Variants in SLC9A9 observed in about 807,000 individuals in gnomAD.
SLC9A9 encodes the protein sodium/hydrogen exchanger 9.
In SLC9A9, 62 loss-of-function variants were observed where a neutral mutation model predicts 77.8. The observed-to-expected ratio is 0.80, with a 90% CI of 0.65 to 0.98. The LOEUF (loss-of-function observed/expected upper bound fraction) is 0.98, where lower values mean the gene tolerates loss of function less well. SLC9A9 is among the 50% of genes least tolerant of loss of function. The probability of loss-of-function intolerance (pLI) is 0.00; values close to 1 mark genes in which losing one functional copy is unlikely to be tolerated. For missense variants in SLC9A9, 775 were observed against 774.9 expected (o/e 1.00, Z 0.00); for synonymous variants, 320 against 283.5 (o/e 1.13, Z -1.29).
chr3:143,518,181 T>C (rs2108611168), intron 9 of SLC9A9: 2 of 1,599,426 alleles, frequency 1.3e-6, no homozygotes, highest in Non-Finnish European at 1.7e-6. Context: ...GGATCCTCCT[T>C]ACACATTTTC....
chr3:143,774,663 A>G (rs1576717243), intron 4 of SLC9A9, among the ~76,000 whole-genome samples: 1 of 151,680 alleles, frequency 6.6e-6, no homozygotes, highest in Admixed American at 6.6e-5. Flanking sequence ...TATAACAAGG[A>G]AAAAAGTAAG....
intron 14 of SLC9A9, among the ~76,000 whole-genome samples, chr3:143,332,045 GAAAAATAA>G (rs1198323935): frequency 6.6e-6 from 1 of 151,968 alleles, no homozygotes; most frequent in African/African-American, 2.4e-5. Flanking sequence ...TGCTTGGGAG[GAAAAATAA>G]GAAAATAAGA....
chr3:143,493,804 T>A (rs2035789437), intron 10 of SLC9A9, 40 bp from the exon 11 acceptor site: 1 of 1,429,104 alleles, frequency 7.0e-7, no homozygotes, highest in East Asian at 2.3e-5. Flanking sequence ...AAAGTGTTGC[T>A]GCAATGATGG....
intron 9 of SLC9A9, among the ~76,000 whole-genome samples, chr3:143,515,943 A>G (rs901132855): frequency 5.1e-4 from 77 of 152,196 alleles, no homozygotes; most frequent in African/African-American, 1.7e-3. Flanking sequence ...CACGGTTTGT[A>G]TAAAATTGGA....
chr3:143,711,626 G>A (rs1934197833), intron 4 of SLC9A9, among the ~76,000 whole-genome samples: 1 of 149,978 alleles, frequency 6.7e-6, no homozygotes, highest in South Asian at 2.1e-4. Flanking sequence ...ATCTTGCCCA[G>A]GTTGGTCTTG....
Position 143,296,954 on chromosome 3 carries a change from AT to A in SLC9A9, c.1605-27975del, listed in dbSNP as rs374355138. On this transcript the variant is annotated intron_variant, in intron 14 of 15. Transcript: ENST00000316549. ...TTTATCAGATACATAGTTTGCAAAT[AT>A]TTTCTTCCATTCTACAGGTTGTCTT... Among the ~76,000 whole-genome samples, 131 of 152,166 alleles carry A rather than the reference AT, an allele frequency of 8.6e-4. 1 individual carries two copies. The highest frequency in any genetic ancestry group is 3.1e-3 in the African/African-American group (127 of 41,508).
chr3:143,521,970 T>C (rs1463535619), intron 9 of SLC9A9, among the ~76,000 whole-genome samples: 3 of 152,170 alleles, frequency 2.0e-5, no homozygotes, highest in Non-Finnish European at 2.9e-5. Flanking sequence ...TTGGTGGGGC[T>C]GTAGTGAAGG....
At chr3:143,680,833 C>T (rs1933064671) in intron 5 of SLC9A9, among the ~76,000 whole-genome samples, 1 of 152,122 alleles carries the variant, frequency 6.6e-6, no homozygotes, top group Non-Finnish European at 1.5e-5. Context: ...TACACATTCT[C>T]TGCTTTGGGA....
chr3:143,299,052 C>T (rs2030404821), intron 14 of SLC9A9, among the ~76,000 whole-genome samples: 1 of 152,166 alleles, frequency 6.6e-6, no homozygotes, highest in Non-Finnish European at 1.5e-5. Flanking sequence ...CGGTTCCTGG[C>T]ATACAGTGGG....
At position 143,706,269 on chromosome 3, in the gene SLC9A9, A is replaced by C. The variant is rs190294629; in HGVS notation, c.534-12962T>G. Among the ~76,000 whole-genome samples, 9 of 152,280 alleles carry C rather than the reference A, an allele frequency of 5.9e-5. No individual in the cohort carries two copies. The East Asian group carries it at 1.7e-3, about 29-fold the overall frequency. ...TCGCCATCTGCTACCCATTACAGAG[A>C]TCGATCGGGGAGCGGGGGAATGCCT... On this transcript the variant is annotated intron_variant, in intron 4 of 15. Transcript: ENST00000316549.
rs529425639 is a variant in SLC9A9 at position 143,641,385 on chromosome 3, CTTTTTTTTTT to C, written c.755+10860_755+10869del. Among the ~76,000 whole-genome samples, 12 of 78,828 alleles carry C rather than the reference CTTTTTTTTTT, an allele frequency of 1.5e-4. 1 individual carries two copies. Among genetic ancestry groups the C allele is most frequent in the Admixed American group, 9.2e-4 (5 of 5,410 alleles). 51.7% of individuals were successfully genotyped at this position (78,828 alleles called of 152,430 possible). On this transcript the variant is annotated intron_variant, in intron 6 of 15. Transcript: ENST00000316549. ...AAAAAGAATTATCTGTTGTCACAGT[CTTTTTTTTTT>C]TTTTTTTTTTTTTTGAGACAGAGTC...
chr3:143,478,961 C>G (rs886376683), intron 11 of SLC9A9, among the ~76,000 whole-genome samples: 5 of 152,262 alleles, frequency 3.3e-5, no homozygotes, highest in Admixed American at 3.3e-4. Flanking sequence ...CTTTGGATAT[C>G]CTAAAAATCT....
intron 12 of SLC9A9, among the ~76,000 whole-genome samples, chr3:143,406,978 G>GATAAAA (rs2033994442): frequency 1.4e-5 from 1 of 69,394 alleles, no homozygotes; most frequent in Non-Finnish European, 2.8e-5. Flanking sequence ...TCCATCTCGA[G>GATAAAA]AAAAAAAAAA....
At chr3:143,840,405 G>T (rs2009678109) in intron 1 of SLC9A9, among the ~76,000 whole-genome samples, 1 of 152,138 alleles carries the variant, frequency 6.6e-6, no homozygotes, top group Non-Finnish European at 1.5e-5. Flanking sequence ...AACATATGAT[G>T]AAAGCCTATT....
intron 6 of SLC9A9, among the ~76,000 whole-genome samples, chr3:143,649,079 T>C (rs927144859): frequency 3.8e-4 from 58 of 152,314 alleles, no homozygotes; most frequent in African/African-American, 1.4e-3. Flanking sequence ...AATTGCACAG[T>C]TAATTAATGG....
At position 143,654,401 on chromosome 3, in the gene SLC9A9, T is replaced by C. The variant is rs114512090; in HGVS notation, c.650-2041A>G. On this transcript the variant is annotated intron_variant, in intron 5 of 15. Transcript: ENST00000316549. Reference sequence around the variant, plus strand: ...TTTATTATTCTAGCTGAATAGGTCCTATTAATCATGATAGGTAAAATGGCA... The same window carrying C: ...TTTATTATTCTAGCTGAATAGGTCCCATTAATCATGATAGGTAAAATGGCA... Among the ~76,000 whole-genome samples, 538 of 152,374 alleles carry C rather than the reference T, an allele frequency of 3.5e-3. 3 individuals carry two copies. The highest frequency in any genetic ancestry group is 0.013 in the African/African-American group (521 of 41,594).
intron 6 of SLC9A9, among the ~76,000 whole-genome samples, chr3:143,606,436 C>CTCGATATATA (rs1419410834): frequency 1.8e-5 from 1 of 54,188 alleles, no homozygotes; most frequent in African/African-American, 7.7e-5. Flanking sequence ...CTCTCTCTCT[C>CTCGATATATA]TATATATATA....
intron 5 of SLC9A9, among the ~76,000 whole-genome samples, chr3:143,657,897 C>T (rs914987833): frequency 1.3e-5 from 2 of 151,990 alleles, no homozygotes; most frequent in Non-Finnish European, 2.9e-5. Flanking sequence ...GACTGAGTCT[C>T]GCTCTGTTGC....
intron 14 of SLC9A9, among the ~76,000 whole-genome samples, chr3:143,316,657 C>T: frequency 6.6e-6 from 1 of 152,078 alleles, no homozygotes. Context: ...ATAATGCACC[C>T]TGGGCATTGG....
Sources: gnomAD v4.1 joint callset for allele counts (sites outside exome capture counted in the v4.1 genomes callset) on GRCh38, gnomAD v4.1.1 for gene constraint, MANE v1.5 for transcripts, NCBI Gene and HGNC (gene_info 2026-07-23, HGNC 2026-07-21) for gene names.